Variants in SLFNL1 observed in about 807,000 individuals in gnomAD.
SLFNL1 encodes the protein schlafen-like protein 1.
A neutral mutation model predicts 32.5 loss-of-function variants in SLFNL1; 26 were observed. The ratio of observed to expected loss-of-function variants is 0.80; its 90% CI spans 0.59 to 1.11. SLFNL1 has a LOEUF of 1.11. Among genes scored for constraint, SLFNL1 ranks in the 50% least tolerant of loss-of-function variants. SLFNL1 has a pLI of 0.00. For missense variants in SLFNL1, 553 were observed against 546.5 expected (o/e 1.01, Z -0.12); for synonymous variants, 255 against 242.2 (o/e 1.05, Z -0.49).
At position 41,017,906 on chromosome 1, in the gene SLFNL1, C is replaced by A. The variant is rs150044513; in HGVS notation, c.686G>T (p.Arg229Leu). The A allele has an allele frequency of 6.2e-7, 1 of 1,612,400 alleles. No individual in the cohort carries two copies. The highest frequency in any genetic ancestry group is 8.5e-7 in the Non-Finnish European group (1 of 1,179,386). Residue 229 changes from arginine (R) to leucine (L), a missense_variant, in exon 4 of 6, where the codon CGG (arginine) becomes CTG (leucine). Transcript: ENST00000302946. This position sits in a 1 kb window ranked among gnomAD's most constrained non-coding sequence, Gnocchi z 4.9. Reference sequence around the variant, plus strand: ...CAGGCTGAGGTACTCGCCGCTACCCCGCTTGAACTCCATATTGCGGGTCTC... The same window carrying A: ...CAGGCTGAGGTACTCGCCGCTACCCAGCTTGAACTCCATATTGCGGGTCTC... ...GSETRNMEFK[R>L]GSGEYLSLAF... is the part of the protein sequence containing the mutation.
Position 41,018,329 on chromosome 1 carries a change from C to T in SLFNL1, c.436-173G>A, listed in dbSNP as rs368399441. The T allele has an allele frequency of 2.0e-4, 120 of 595,658 alleles. No homozygotes were observed. The East Asian group carries it at 2.5e-3, about 12-fold the overall frequency. 36.9% of individuals were successfully genotyped at this position (595,658 alleles called of 1,614,324 possible). A position where few individuals can be genotyped will look rare whatever the true frequency, so the allele number is the denominator to read the frequency against. ...CCAGTTCTGCCCACCCTCCTGCAGCCGAGGCAGGAAACCCTGCTGGATCGA... is the reference window on the plus strand; with the variant it reads ...CCAGTTCTGCCCACCCTCCTGCAGCTGAGGCAGGAAACCCTGCTGGATCGA... On this transcript the variant is annotated intron_variant, in intron 3 of 5. Coordinates refer to ENST00000302946, the MANE Select transcript of SLFNL1 (RefSeq NM_144990.4).
intron 3 of SLFNL1, chr1:41,018,512 A>G (rs1643539623): frequency 4.6e-6 from 1 of 219,700 alleles, no homozygotes; most frequent in Admixed American, 5.3e-5. Context: ...CAGGCCCCTG[A>G]GGCCCAGAAC....
intron 3 of SLFNL1, 92 bp downstream of exon 3, chr1:41,020,134 A>C (rs1571035585): frequency 1.1e-5 from 14 of 1,321,222 alleles, no homozygotes; most frequent in Non-Finnish European, 1.3e-5. Context: ...CCCCAGAGAC[A>C]CCCCTCCATC....
intron 3 of SLFNL1, among the ~76,000 whole-genome samples, chr1:41,019,850 C>T (rs1643688767): frequency 6.6e-6 from 1 of 152,206 alleles, no homozygotes; most frequent in South Asian, 2.1e-4. Flanking sequence ...CTGCCTTACT[C>T]TTGGCACAGA....
chr1:41,019,411 C>T (rs1041834862), intron 3 of SLFNL1, among the ~76,000 whole-genome samples: 4 of 152,180 alleles, frequency 2.6e-5, no homozygotes, highest in Non-Finnish European at 5.9e-5. Flanking sequence ...CCTATCCTAA[C>T]GTCCCATGTC....
chr1:41,020,631 T>A lies in SLFNL1; in HGVS notation c.30A>T (p.Thr10=). MTPMKRSVQ[T]QVSEPFMESW... ...ACTCCATGAAGGGCTCTGACACCTG[T>A]GTTTGCACTGATCTCTTCATGGGGG... is the stretch of plus-strand genomic sequence containing the variant. Residue 10 remains threonine (T), a synonymous_variant, in exon 3 of 6, where the codon ACA becomes ACT. Coordinates refer to ENST00000302946, the MANE Select transcript of SLFNL1 (RefSeq NM_144990.4). 6.2e-7 allele frequency: 1 copy of A among 1,612,502 alleles called. No individual in the cohort carries two copies. The highest frequency in any genetic ancestry group is 1.3e-5 in the African/African-American group (1 of 74,986).
intron 5 of SLFNL1, chr1:41,016,581 T>C (rs1329681477): frequency 1.2e-5 from 3 of 240,846 alleles, no homozygotes; most frequent in Non-Finnish European, 2.4e-5. Context: ...ATGCAGTGTA[T>C]AGTCTTTGGG....
rs780989062 is a variant in SLFNL1 at position 41,018,068 on chromosome 1, G to A, written c.524C>T (p.Thr175Met). 6 of 1,581,124 alleles carry A rather than the reference G, an allele frequency of 3.8e-6. No homozygotes were observed. The highest frequency in any genetic ancestry group is 2.3e-5 in the East Asian group (1 of 43,000). ...GVPLPTWPTH[T>M]LPDRPQAQQL... The stretch of plus-strand genomic sequence containing the variant: ...CTGGGCCTGGGGCCTATCAGGCAGC[G>A]TGTGTGTAGGCCAGGTGGGCAGCGG... Residue 175 changes from threonine to methionine, a missense_variant, in exon 4 of 6, where the codon ACG becomes ATG. Coordinates refer to ENST00000302946, the MANE Select transcript of SLFNL1 (RefSeq NM_144990.4).
chr1:41,018,851 T>TTC, intron 3 of SLFNL1, among the ~76,000 whole-genome samples: 1 of 146,864 alleles, frequency 6.8e-6, no homozygotes, highest in Admixed American at 6.8e-5. Context: ...TTTTTTTTTT[T>TTC]TTGAGACAGA....
intron 5 of SLFNL1, 35 bp from the exon 6 acceptor site, chr1:41,016,263 C>A (rs764564439): frequency 1.9e-6 from 3 of 1,610,204 alleles, no homozygotes; most frequent in Non-Finnish European, 2.5e-6. Context: ...TGGCCAAGCC[C>A]GCCTGGTCTC....
chr1:41,017,870 T>A lies in SLFNL1; in HGVS notation c.722A>T (p.His241Leu), dbSNP rs775622500. 1 of 1,607,166 alleles carries A rather than the reference T, an allele frequency of 6.2e-7. No homozygotes were observed. The highest frequency in any genetic ancestry group is 8.5e-7 in the Non-Finnish European group (1 of 1,175,138). The change falls in exon 4 of 6, where the codon CAC becomes CTC. Residue 241 changes from histidine to leucine, a missense_variant. By Grantham distance (99) the His-to-Leu change is moderately conservative. Transcript: ENST00000302946. This position sits in a 1 kb window ranked among gnomAD's most constrained non-coding sequence, Gnocchi z 4.9. The stretch of plus-strand genomic sequence containing the variant: ...GGCGCACACGTAGCGCCGCACGTGG[T>A]GCTTGAAGGCCAGGCTGAGGTACTC... ...SGEYLSLAFK[H>L]HVRRYVCAFL...
rs1317965457 is a variant in SLFNL1, at chr1:41,017,571, GCC to G, written c.957+62_957+63del. 1 of 1,505,104 alleles carries G rather than the reference GCC, an allele frequency of 6.6e-7. No homozygotes were observed. The highest frequency in any genetic ancestry group is 8.9e-7 in the Non-Finnish European group (1 of 1,127,654). The allele number at this position is 1,505,104 out of a possible 1,614,324, so 93.2% of individuals were successfully genotyped here. On this transcript the variant is annotated intron_variant, in intron 4 of 5. Coordinates refer to ENST00000302946, the MANE Select transcript of SLFNL1 (RefSeq NM_144990.4). The surrounding 1 kb of genome is among the most constrained non-coding windows in gnomAD (Gnocchi z 4.9). ...CCAGCACTGCCTGGCAGGAGTGCAG[GCC>G]ATCGTCTTACTGAGTGATGACAGAT...
rs368132841 is a variant in SLFNL1 at position 41,016,451 on chromosome 1, G to C, written c.1102-223C>G. On this transcript the variant is annotated intron_variant, in intron 5 of 5. Transcript: ENST00000302946. ...ATGGAAGGGAGCCTCCTCCGTGCTGGGCAGGCCATGTGCCTCCTCACTGTT... is the reference window on the plus strand; with the variant it reads ...ATGGAAGGGAGCCTCCTCCGTGCTGCGCAGGCCATGTGCCTCCTCACTGTT... The C allele has an allele frequency of 1.8e-5, 11 of 596,610 alleles. No individual in the cohort carries two copies. The East Asian group carries it at 3.4e-4, about 19-fold the overall frequency. 37.0% of individuals were successfully genotyped at this position (596,610 alleles called of 1,614,324 possible).
rs760945226 is a variant in SLFNL1 at position 41,016,082 on chromosome 1, C to T, written c.*24G>A. 89 of 1,604,040 alleles carry T rather than the reference C, an allele frequency of 5.5e-5. 1 individual carries two copies. The highest frequency in any genetic ancestry group is 3.3e-4 in the Middle Eastern group (2 of 6,046). On this transcript the variant is annotated 3_prime_UTR_variant, in exon 6 of 6. Coordinates refer to ENST00000302946, the MANE Select transcript of SLFNL1 (RefSeq NM_144990.4). ...GGGTCTCAGGTGGAGAGTGCCGTGC[C>T]GTCCTGCCTGCTCCCCAGGGCCCTC... is the stretch of plus-strand genomic sequence containing the variant.
Position 41,017,086 on chromosome 1 carries a change from G to A in SLFNL1, c.1101+148C>T, listed in dbSNP as rs1397973527. Reference sequence around the variant, plus strand: ...ACCTACCCGCGGAGTATGGGATGTGGTGTGATTGTATTCCAACCCCTTGGG... The same window carrying A: ...ACCTACCCGCGGAGTATGGGATGTGATGTGATTGTATTCCAACCCCTTGGG... On this transcript the variant is annotated intron_variant, in intron 5 of 5. Transcript: ENST00000302946. The surrounding 1 kb of genome is among the most constrained non-coding windows in gnomAD (Gnocchi z 4.9). The A allele has an allele frequency of 3.2e-6, 3 of 943,950 alleles. No homozygotes were observed. In the African/African-American group the frequency reaches 5.0e-5, roughly 16 times the overall value. The allele number at this position is 943,950 out of a possible 1,614,324, so 58.5% of individuals were successfully genotyped here.
chr1:41,017,039 G>A lies in SLFNL1; in HGVS notation c.1101+195C>T. 1 of 602,500 alleles carries A rather than the reference G, an allele frequency of 1.7e-6. No homozygotes were observed. Among genetic ancestry groups the A allele is most frequent in the Non-Finnish European group, 2.7e-6 (1 of 366,862 alleles). The allele number at this position is 602,500 out of a possible 1,614,324, so 37.3% of individuals were successfully genotyped here. A position where few individuals can be genotyped will look rare whatever the true frequency, so the allele number is the denominator to read the frequency against. ...TAGATTTTTAAAAGGAGAGAGCTTG[G>A]GCCTCTTCCTTCCCACCAGCCACCT... On this transcript the variant is annotated intron_variant, in intron 5 of 5. Coordinates refer to ENST00000302946, the MANE Select transcript of SLFNL1 (RefSeq NM_144990.4). This position sits in a 1 kb window ranked among gnomAD's most constrained non-coding sequence, Gnocchi z 4.9.
chr1:41,020,752 C>G lies in SLFNL1; in HGVS notation c.-92G>C. ...GTTCTCAGTGTGGCTTAAGGGCTCCCAGAGGACTCAGGGAGTGTCCCGGCT... is the reference window on the plus strand; with the variant it reads ...GTTCTCAGTGTGGCTTAAGGGCTCCGAGAGGACTCAGGGAGTGTCCCGGCT... On this transcript the variant is annotated 5_prime_UTR_variant, in exon 3 of 6. Coordinates refer to ENST00000302946, the MANE Select transcript of SLFNL1 (RefSeq NM_144990.4). The G allele has an allele frequency of 2.5e-6, 3 of 1,214,250 alleles. No individual in the cohort carries two copies. The highest frequency in any genetic ancestry group is 3.5e-6 in the Non-Finnish European group (3 of 867,704). 75.2% of individuals were successfully genotyped at this position (1,214,250 alleles called of 1,614,324 possible).
intron 3 of SLFNL1, among the ~76,000 whole-genome samples, chr1:41,019,075 G>A (rs1272469502): frequency 2.0e-5 from 3 of 151,770 alleles, no homozygotes; most frequent in Non-Finnish European, 2.9e-5. Flanking sequence ...TGATCTGCCC[G>A]CCTCAGCCTC....
At position 41,015,964 on chromosome 1, in the gene SLFNL1, T is replaced by A; in HGVS notation, c.*142A>T. The A allele has an allele frequency of 8.6e-7, 1 of 1,164,614 alleles. No homozygotes were observed. The highest frequency in any genetic ancestry group is 1.2e-6 in the Non-Finnish European group (1 of 835,002). 72.1% of individuals were successfully genotyped at this position (1,164,614 alleles called of 1,614,324 possible). A position where few individuals can be genotyped will look rare whatever the true frequency, so the allele number is the denominator to read the frequency against. On this transcript the variant is annotated 3_prime_UTR_variant, in exon 6 of 6. Coordinates refer to ENST00000302946, the MANE Select transcript of SLFNL1 (RefSeq NM_144990.4). ...TCAGGGTTGAAGCCACATGGGTGCC[T>A]GCTCATGTGCCATGTTGAAGGAGTC...
Sources: allele counts gnomAD v4.1 joint callset (sites outside exome capture counted in the v4.1 genomes callset), GRCh38; gene constraint gnomAD v4.1.1; non-coding constraint Gnocchi (gnomAD v3.1); transcripts MANE v1.5; gene names NCBI Gene and HGNC (gene_info 2026-07-23, HGNC 2026-07-21).